Variants in GRM7 observed in about 807,000 individuals in gnomAD.
GRM7 encodes metabotropic glutamate receptor 7.
GRM7 carries 35 observed loss-of-function variants against 84.5 expected under a neutral mutation model. That is an observed-to-expected ratio of 0.41 (90% CI 0.32 to 0.55). GRM7 has a LOEUF of 0.55. Ranked by LOEUF, GRM7 falls within the 20% of genes least tolerant of loss-of-function variation. GRM7 has a pLI of 0.19. For synonymous variants in GRM7, 487 were observed against 455.1 expected (o/e 1.07, Z -0.89); for missense variants, 1,003 against 1,194.6 (o/e 0.84, Z 2.36).
chr3:7,495,815 A>G (rs1346802424), intron 7 of GRM7, among the ~76,000 whole-genome samples: 2 of 152,180 alleles, frequency 1.3e-5, no homozygotes, highest in African/African-American at 4.8e-5. Flanking sequence ...GGGGAACACA[A>G]GTAGCCTGCC....
chr3:7,558,609 C>A (rs1430895043), intron 7 of GRM7, among the ~76,000 whole-genome samples: 4 of 151,986 alleles, frequency 2.6e-5, no homozygotes, highest in Non-Finnish European at 1.5e-5. Context: ...ATTTTTATCC[C>A]AATATATTTA....
intron 1 of GRM7, among the ~76,000 whole-genome samples, chr3:7,112,642 C>T (rs955713077): frequency 5.9e-5 from 9 of 152,114 alleles, no homozygotes; most frequent in Non-Finnish European, 1.0e-4. Flanking sequence ...AGCCCCCACT[C>T]GGTTGTTTTT....
At chr3:7,513,526 A>C (rs2124980341) in intron 7 of GRM7, among the ~76,000 whole-genome samples, 1 of 152,324 alleles carries the variant, frequency 6.6e-6, no homozygotes, top group African/African-American at 2.4e-5. Flanking sequence ...AGAAGGAATA[A>C]GATCTAGTGT....
intron 4 of GRM7, among the ~76,000 whole-genome samples, chr3:7,410,915 G>A (rs55756804): frequency 0.014 from 2,179 of 152,190 alleles, 22 homozygotes; most frequent in Non-Finnish European, 0.023. Flanking sequence ...ATTCTCTTAC[G>A]GTTCTGGGGG....
intron 8 of GRM7, among the ~76,000 whole-genome samples, chr3:7,579,902 G>A (rs1181332682): frequency 6.6e-6 from 1 of 152,184 alleles, no homozygotes; most frequent in Non-Finnish European, 1.5e-5. Context: ...GGTGAATATA[G>A]GAAAGATTTG....
At chr3:7,482,696 G>C (rs1358818929) in intron 7 of GRM7, among the ~76,000 whole-genome samples, 1 of 152,172 alleles carries the variant, frequency 6.6e-6, no homozygotes, top group Non-Finnish European at 1.5e-5. Context: ...TTTCCTGGAA[G>C]AAAGTTGATC....
chr3:7,053,189 T>A (rs1389164873), intron 1 of GRM7, among the ~76,000 whole-genome samples: 1 of 151,276 alleles, frequency 6.6e-6, no homozygotes, highest in African/African-American at 2.4e-5. Context: ...TTATTTACAT[T>A]TATATATCTT....
chr3:7,297,578 TAACA>T (rs2125019730), intron 2 of GRM7, among the ~76,000 whole-genome samples: 1 of 152,288 alleles, frequency 6.6e-6, no homozygotes, highest in African/African-American at 2.4e-5. Context: ...TAGAGTGAGC[TAACA>T]CTAATTGGGA....
At chr3:7,534,828 G>C (rs184881661) in intron 7 of GRM7, among the ~76,000 whole-genome samples, 1 of 152,144 alleles carries the variant, frequency 6.6e-6, no homozygotes, top group African/African-American at 2.4e-5. Flanking sequence ...TGAATCTATC[G>C]AGAAATCTTT....
chr3:6,925,779 C>A (rs1273270344), intron 1 of GRM7, among the ~76,000 whole-genome samples: 1 of 152,206 alleles, frequency 6.6e-6, no homozygotes, highest in African/African-American at 2.4e-5. Context: ...ATTGATCCTA[C>A]CTTGTCCTGG....
chr3:7,028,034 T>C (rs760078614), intron 1 of GRM7, among the ~76,000 whole-genome samples: 16 of 146,890 alleles, frequency 1.1e-4, no homozygotes, highest in Non-Finnish European at 2.1e-4. Context: ...ACTGCTTATC[T>C]AACATGATTC....
At chr3:7,219,034 G>A (rs912652348) in intron 2 of GRM7, among the ~76,000 whole-genome samples, 4 of 152,016 alleles carry the variant, frequency 2.6e-5, no homozygotes, top group African/African-American at 9.7e-5. Flanking sequence ...GCCACTAGTG[G>A]TATGAATTAT....
At chr3:6,943,442 A>G (rs899148375) in intron 1 of GRM7, among the ~76,000 whole-genome samples, 2 of 152,020 alleles carry the variant, frequency 1.3e-5, no homozygotes, top group Admixed American at 6.6e-5. Flanking sequence ...TTCAGCACCA[A>G]CATCTCCATT....
intron 1 of GRM7, among the ~76,000 whole-genome samples, chr3:7,013,038 C>G (rs1237747379): frequency 6.6e-6 from 1 of 152,012 alleles, no homozygotes; most frequent in African/African-American, 2.4e-5. Context: ...TGGCACCTGA[C>G]CTTCCTGACA....
intron 8 of GRM7, among the ~76,000 whole-genome samples, chr3:7,582,820 C>G (rs1375079955): frequency 6.6e-6 from 1 of 152,250 alleles, no homozygotes; most frequent in Admixed American, 6.5e-5. Flanking sequence ...AGGAATTTAA[C>G]AAATTATTGC....
chr3:7,108,357 G>C (rs1267817392), intron 1 of GRM7, among the ~76,000 whole-genome samples: 1 of 152,098 alleles, frequency 6.6e-6, no homozygotes, highest in Non-Finnish European at 1.5e-5. Context: ...GACAGGCTTT[G>C]TGAAGAATTG....
intron 1 of GRM7, among the ~76,000 whole-genome samples, chr3:6,891,513 A>C (rs575303636): frequency 2.0e-5 from 3 of 152,122 alleles, no homozygotes; most frequent in Non-Finnish European, 4.4e-5. Flanking sequence ...GCTGGATATG[A>C]AAATCTGGGT....
intron 1 of GRM7, among the ~76,000 whole-genome samples, chr3:7,000,730 A>G (rs1694985229): frequency 6.6e-6 from 1 of 152,184 alleles, no homozygotes; most frequent in Non-Finnish European, 1.5e-5. Flanking sequence ...TCTGGGACTC[A>G]GGCTAAAGGA....
intron 1 of GRM7, among the ~76,000 whole-genome samples, chr3:6,975,117 A>G (rs551614135): frequency 2.6e-5 from 4 of 152,256 alleles, no homozygotes; most frequent in Admixed American, 1.3e-4. Context: ...ACATGCTTTG[A>G]GCCTGCAGAT....
Sources: allele counts gnomAD v4.1 joint callset (sites outside exome capture counted in the v4.1 genomes callset), GRCh38; gene constraint gnomAD v4.1.1; transcripts MANE v1.5; gene names NCBI Gene and HGNC (gene_info 2026-07-23, HGNC 2026-07-21).